The following C4orf51 variants were observed in gnomAD, a reference collection of about 807,000 sequenced individuals.
C4orf51 encodes the protein chromosome 4 open reading frame 51.
Under a neutral mutation model 25.2 loss-of-function variants are expected in C4orf51, and 25 were observed. The observed-to-expected ratio is 0.99, with a 90% confidence interval of 0.72 to 1.39. C4orf51 has a LOEUF of 1.39. C4orf51 is among the 40% of genes most tolerant of loss of function. The pLI is 0.00. For synonymous variants in C4orf51, 100 were observed against 84.5 expected, an observed-to-expected ratio of 1.18 and a Z score of -1.01; for missense variants, 252 against 239.6, an observed-to-expected ratio of 1.05 and a Z score of -0.34.
In C4orf51 at chr4:145,680,469, A is replaced by G. The variant is rs145218214; in HGVS notation, c.233+33A>G. ...TTCTTTGTAATTTGCACCTGGATAT[A>G]TCACTATAAATAGACAAGAGTGCTC... is the stretch of plus-strand genomic sequence containing the variant. On this transcript the variant is annotated intron_variant, in intron 1 of 5. Transcript: ENST00000438731. 761 of 1,485,364 alleles carry G rather than the reference A, an allele frequency of 5.1e-4. 4 individuals carry two copies. The African/African-American group carries it at 9.4e-3, about 18-fold the overall frequency. The allele number at this position is 1,485,364 out of a possible 1,614,324, so 92.0% of individuals were successfully genotyped here.
downstream of C4orf51, among the ~76,000 whole-genome samples, chr4:145,775,014 A>G (rs867097448): frequency 1.3e-5 from 2 of 152,214 alleles, no homozygotes. Flanking sequence ...TAGCATTGCC[A>G]AGGTATTTAG....
chr4:145,791,292 C>T, the C4orf51 span, among the ~76,000 whole-genome samples: 1 of 152,144 alleles, frequency 6.6e-6, no homozygotes, highest in Non-Finnish European at 1.5e-5. Flanking sequence ...TTTATAAGGG[C>T]CTCTTTTATA....
intron 1 of C4orf51, among the ~76,000 whole-genome samples, chr4:145,738,701 ATGATCTCAGCTCAC>A (rs1732941253): frequency 1.3e-5 from 2 of 151,882 alleles, no homozygotes; most frequent in South Asian, 4.2e-4. Context: ...GTGCAGTGGT[ATGATCTCAGCTCAC>A]TGCAACCTTT....
chr4:145,755,009 T>C (rs140790495), downstream of C4orf51, among the ~76,000 whole-genome samples: 2 of 152,330 alleles, frequency 1.3e-5, no homozygotes, highest in East Asian at 3.9e-4. Flanking sequence ...TTTTTAGTCA[T>C]TCTTTTCCCT....
the C4orf51 span, among the ~76,000 whole-genome samples, chr4:145,787,896 T>C: frequency 6.6e-6 from 1 of 152,146 alleles, no homozygotes; most frequent in Non-Finnish European, 1.5e-5. Context: ...AGTAACCGTT[T>C]CCACAGTAAT....
Position 145,682,456 on chromosome 4 carries a change from T to C in C4orf51, c.233+2020T>C, listed in dbSNP as rs147307516. On this transcript the variant is annotated intron_variant, in intron 1 of 5. Transcript: ENST00000438731. The stretch of plus-strand genomic sequence containing the variant: ...AATTCCATAAGGCTATAGAGAGACA[T>C]TTTACATTGCTATAAAGTCAGAATG... Among the ~76,000 whole-genome samples, 180 of 152,318 alleles carry C rather than the reference T, an allele frequency of 1.2e-3. 1 individual carries two copies. Among genetic ancestry groups the C allele is most frequent in the African/African-American group, 4.1e-3 (172 of 41,584 alleles).
intron 1 of C4orf51, among the ~76,000 whole-genome samples, chr4:145,744,014 G>T (rs1049221552): frequency 6.6e-6 from 1 of 152,130 alleles, no homozygotes; most frequent in Non-Finnish European, 1.5e-5. Flanking sequence ...GTATTATAAT[G>T]CATATGCTCA....
chr4:145,733,648 G>A (rs1054270286), downstream of C4orf51, among the ~76,000 whole-genome samples: 1 of 151,776 alleles, frequency 6.6e-6, no homozygotes, highest in Non-Finnish European at 1.5e-5. Context: ...CACCACCCCT[G>A]CCTCCCGCCC....
chr4:145,700,968 C>T (rs1220877492), intron 2 of C4orf51, among the ~76,000 whole-genome samples: 2 of 152,106 alleles, frequency 1.3e-5, no homozygotes, highest in South Asian at 2.1e-4. Context: ...AAGGCATAGT[C>T]GAGGTTAATG....
chr4:145,701,085 C>T (rs186684523), intron 2 of C4orf51, among the ~76,000 whole-genome samples: 1,631 of 152,260 alleles, frequency 0.011, 32 homozygotes, highest in African/African-American at 0.037. Context: ...AGACGCTTTA[C>T]AGCCCTAGAC....
At chr4:145,729,093 T>C in intron 3 of C4orf51, 76 bp from the exon 4 acceptor site, 5 of 1,052,258 alleles carry the variant, frequency 4.8e-6, no homozygotes, top group Non-Finnish European at 7.2e-6. Context: ...AGGAACAATG[T>C]TGGGAAAATG....
At chr4:145,681,821 G>A (rs13109257) in intron 1 of C4orf51, among the ~76,000 whole-genome samples, 94,792 of 151,966 alleles carry the variant, frequency 0.62, 30,840 homozygotes, top group African/African-American at 0.81. Context: ...TCTATTTGTG[G>A]AGGTTCCACA....
chr4:145,705,223 C>T (rs1041588588), intron 2 of C4orf51, among the ~76,000 whole-genome samples: 1 of 152,214 alleles, frequency 6.6e-6, no homozygotes, highest in Non-Finnish European at 1.5e-5. Flanking sequence ...TGAGCCCATT[C>T]ATCAAACTCC....
chr4:145,708,386 A>G (rs1202774582), intron 2 of C4orf51, among the ~76,000 whole-genome samples: 2 of 152,156 alleles, frequency 1.3e-5, no homozygotes, highest in Admixed American at 6.5e-5. Context: ...CCGTTTGGGG[A>G]GATACATCCA....
intron 1 of C4orf51, among the ~76,000 whole-genome samples, chr4:145,738,804 T>C (rs960053560): frequency 3.3e-5 from 5 of 152,008 alleles, no homozygotes; most frequent in Admixed American, 2.6e-4. Context: ...AACGCCCGAC[T>C]AATTTTTTGT....
At chr4:145,713,314 A>C (rs1217192350) in intron 2 of C4orf51, among the ~76,000 whole-genome samples, 3 of 152,236 alleles carry the variant, frequency 2.0e-5, no homozygotes, top group Admixed American at 2.0e-4. Flanking sequence ...AGTAAGTTGA[A>C]ATCTTATGGA....
In C4orf51 at chr4:145,761,228, A is replaced by G; in HGVS notation, n.167-9760A>G. 3.1e-6 allele frequency: 4 copies of G among 1,289,808 alleles called. No individual in the cohort carries two copies. Among genetic ancestry groups the G allele is most frequent in the Non-Finnish European group, 3.0e-6 (3 of 988,852 alleles). 79.9% of individuals were successfully genotyped at this position (1,289,808 alleles called of 1,614,324 possible). A position where few individuals can be genotyped will look rare whatever the true frequency, so the allele number is the denominator to read the frequency against. On this transcript the variant is annotated intron_variant and non_coding_transcript_variant, in intron 1 of 1. Transcript: ENST00000510096. This position sits in a 1 kb window ranked among gnomAD's most constrained non-coding sequence, Gnocchi z 6.8. ...TTCTTGACGTGGCGGCTGAAGACGA[A>G]AGGGTGTGTGGTCTTGAACAGGCAC...
intron 5 of C4orf51, among the ~76,000 whole-genome samples, chr4:145,731,732 C>A (rs1259078307): frequency 9.2e-5 from 14 of 151,814 alleles, no homozygotes; most frequent in Non-Finnish European, 1.9e-4. Context: ...CAGGTGTGTG[C>A]CACCACACCC....
rs1172048964 is a variant in C4orf51 at position 145,693,015 on chromosome 4, CTGTTTTT to C, written c.234-3542_234-3536del. On this transcript the variant is annotated intron_variant, in intron 1 of 5. Coordinates refer to ENST00000438731, the MANE Select transcript of C4orf51 (RefSeq NM_001080531.3). The stretch of plus-strand genomic sequence containing the variant: ...TCAGGTGAAATGAACAATTTTTCAC[CTGTTTTT>C]TTTTTTTTTTTTATTAAATTTATTT... Among the ~76,000 whole-genome samples the C allele has an allele frequency of 7.4e-4, 41 of 55,530 alleles. 1 individual carries two copies. The highest frequency in any genetic ancestry group is 3.8e-3 in the African/African-American group (38 of 9,920). The allele number at this position is 55,530 out of a possible 152,430, so 36.4% of individuals were successfully genotyped here.
Sources: gnomAD v4.1 joint callset for allele counts (sites outside exome capture counted in the v4.1 genomes callset) on GRCh38, gnomAD v4.1.1 for gene constraint, Gnocchi (gnomAD v3.1) non-coding constraint, MANE v1.5 for transcripts, NCBI Gene and HGNC (gene_info 2026-07-23, HGNC 2026-07-21) for gene names.